The following KCMF1 variants were observed in gnomAD, a reference collection of about 807,000 sequenced individuals.
The protein encoded by KCMF1 is potassium channel modulatory factor 1, also known as E3 ubiquitin-protein ligase KCMF1.
A neutral mutation model predicts 41.1 loss-of-function variants in KCMF1; 3 were observed. That is an observed-to-expected ratio of 0.07 (90% CI 0.03 to 0.19). KCMF1 has a LOEUF of 0.19. Ranked by LOEUF, KCMF1 falls within the 10% of genes least tolerant of loss-of-function variation. KCMF1 has a pLI of 1.00. For missense variants in KCMF1, 286 were observed against 488.9 expected, an observed-to-expected ratio of 0.58 and a Z score of 3.91; for synonymous variants, 142 against 164.5, an observed-to-expected ratio of 0.86 and a Z score of 1.04.
At chr2:85,010,824 TTCAG>T in intron 1 of KCMF1, among the ~76,000 whole-genome samples, 1 of 152,056 alleles carries the variant, frequency 6.6e-6, no homozygotes, top group East Asian at 1.9e-4. Flanking sequence ...TCCTGTGTTA[TTCAG>T]TGAGTTATAA....
chr2:84,979,148 G>GT (rs1050586571), intron 1 of KCMF1, among the ~76,000 whole-genome samples: 14 of 152,040 alleles, frequency 9.2e-5, no homozygotes, highest in South Asian at 6.2e-4. Flanking sequence ...GCCTGGCCAT[G>GT]TTTTTTTTGT....
In KCMF1 at chr2:84,971,188, G is replaced by T. The variant is rs1269279568; in HGVS notation, c.-264G>T. On this transcript the variant is annotated 5_prime_UTR_variant, in exon 1 of 7. Coordinates refer to ENST00000409785, the MANE Select transcript of KCMF1 (RefSeq NM_020122.5). ...GCCCGAGAGTGACCGGAGTCACGGC[G>T]GGCGCCGGCGGAGCTGCGGCGTCGG... The T allele has an allele frequency of 6.8e-6, 1 of 147,010 alleles. No homozygotes were observed. The highest frequency in any genetic ancestry group is 2.5e-5 in the African/African-American group (1 of 40,522). The allele number at this position is 147,010 out of a possible 1,614,324, so 9.1% of individuals were successfully genotyped here.
chr2:85,033,052 A>C (rs1343243442), intron 2 of KCMF1, among the ~76,000 whole-genome samples: 3 of 152,198 alleles, frequency 2.0e-5, no homozygotes, highest in Non-Finnish European at 2.9e-5. Flanking sequence ...TTTTTGGTAG[A>C]TGCCCTTTAT....
chr2:85,008,513 C>T (rs1029886888), intron 1 of KCMF1, among the ~76,000 whole-genome samples: 2 of 148,128 alleles, frequency 1.4e-5, no homozygotes, highest in African/African-American at 5.0e-5. Context: ...CATTTCAGCA[C>T]TACACTTGGG....
chr2:85,024,794 C>G (rs1447179129), intron 1 of KCMF1, among the ~76,000 whole-genome samples: 1 of 152,064 alleles, frequency 6.6e-6, no homozygotes, highest in Non-Finnish European at 1.5e-5. Flanking sequence ...TCCCCACATG[C>G]AGATAATCAC....
chr2:84,979,892 G>A (rs1350491704), intron 1 of KCMF1, among the ~76,000 whole-genome samples: 1 of 151,660 alleles, frequency 6.6e-6, no homozygotes, highest in East Asian at 1.9e-4. Flanking sequence ...GCGCGATCTC[G>A]GCTCACCGCA....
chr2:85,002,087 A>G (rs1674344214), intron 1 of KCMF1, among the ~76,000 whole-genome samples: 1 of 152,204 alleles, frequency 6.6e-6, no homozygotes, highest in African/African-American at 2.4e-5. Context: ...ATCCTCCTCA[A>G]AACAGGTAGA....
At position 85,058,636 on chromosome 2, in the gene KCMF1, G is replaced by A. The variant is rs1327824545; in HGVS notation, c.*5227G>A. The A allele has an allele frequency of 1.3e-5, 2 of 152,166 alleles. No individual in the cohort carries two copies. The highest frequency in any genetic ancestry group is 4.8e-5 in the African/African-American group (2 of 41,432). 9.4% of individuals were successfully genotyped at this position (152,166 alleles called of 1,614,324 possible). On this transcript the variant is annotated 3_prime_UTR_variant, in exon 7 of 7. Coordinates refer to ENST00000409785, the MANE Select transcript of KCMF1 (RefSeq NM_020122.5). Reference sequence around the variant, plus strand: ...GAGTTCCCAGTAGGTACGAAGCTTTGTCTAAACATTATTTACCAACTGCGA... The same window carrying A: ...GAGTTCCCAGTAGGTACGAAGCTTTATCTAAACATTATTTACCAACTGCGA...
chr2:84,980,540 A>T (rs1275349006), intron 1 of KCMF1, among the ~76,000 whole-genome samples: 1 of 152,180 alleles, frequency 6.6e-6, no homozygotes, highest in Non-Finnish European at 1.5e-5. Flanking sequence ...TAACCATGGT[A>T]ACTGCCTGTA....
intron 1 of KCMF1, among the ~76,000 whole-genome samples, chr2:84,997,643 G>C (rs1674208666): frequency 6.6e-6 from 1 of 152,042 alleles, no homozygotes; most frequent in South Asian, 2.1e-4. Flanking sequence ...AAATTGTTGA[G>C]TGGTGTCTGT....
chr2:84,977,555 G>A (rs1258251938), intron 1 of KCMF1, among the ~76,000 whole-genome samples: 1 of 151,626 alleles, frequency 6.6e-6, no homozygotes, highest in African/African-American at 2.4e-5. Flanking sequence ...ATAGCAGGTC[G>A]GACCACAGGT....
intron 1 of KCMF1, among the ~76,000 whole-genome samples, chr2:85,012,759 T>C (rs1036435617): frequency 1.3e-5 from 2 of 152,204 alleles, no homozygotes; most frequent in African/African-American, 4.8e-5. Context: ...ATACAGAGCT[T>C]TATGTTTGTT....
At chr2:85,011,468 A>G (rs751667639) in intron 1 of KCMF1, among the ~76,000 whole-genome samples, 2 of 152,192 alleles carry the variant, frequency 1.3e-5, no homozygotes, top group Non-Finnish European at 2.9e-5. Flanking sequence ...GCTAATGGCT[A>G]TTATTGGACA....
chr2:85,053,030 G>A (rs2104070768), intron 6 of KCMF1, 118 bp from the exon 7 acceptor site: 1 of 793,754 alleles, frequency 1.3e-6, no homozygotes, highest in South Asian at 1.9e-5. Context: ...TTCCAGCAAT[G>A]TCTCATTCTG....
intron 1 of KCMF1, among the ~76,000 whole-genome samples, chr2:85,004,469 G>T (rs1553378821): frequency 6.6e-6 from 1 of 151,746 alleles, no homozygotes; most frequent in Non-Finnish European, 1.5e-5. Context: ...CCGAGATCGC[G>T]CCACTGCACT....
chr2:84,976,861 T>C (rs1673557834), intron 1 of KCMF1, among the ~76,000 whole-genome samples: 2 of 152,176 alleles, frequency 1.3e-5, no homozygotes, highest in African/African-American at 4.8e-5. Flanking sequence ...CCAACTTTTT[T>C]TGTTTTTATT....
chr2:85,008,321 CATATATA>C (rs1440605576), intron 1 of KCMF1, among the ~76,000 whole-genome samples: 1 of 43,946 alleles, frequency 2.3e-5, no homozygotes, highest in Non-Finnish European at 4.4e-5. Context: ...ATATATATAT[CATATATA>C]ATATATAATA....
At chr2:84,986,439 C>G (rs1673902881) in intron 1 of KCMF1, among the ~76,000 whole-genome samples, 1 of 151,978 alleles carries the variant, frequency 6.6e-6, no homozygotes, top group Non-Finnish European at 1.5e-5. Flanking sequence ...GGAAGGGGAT[C>G]CGCCAAGTGA....
chr2:84,974,517 T>C (rs1673482556), intron 1 of KCMF1, among the ~76,000 whole-genome samples: 1 of 151,376 alleles, frequency 6.6e-6, no homozygotes, highest in South Asian at 2.1e-4. Context: ...AGCATGCTTC[T>C]TCTGTAAAGG....
Sources: gnomAD v4.1 joint callset for allele counts (sites outside exome capture counted in the v4.1 genomes callset) on GRCh38, gnomAD v4.1.1 for gene constraint, MANE v1.5 for transcripts, NCBI Gene and HGNC (gene_info 2026-07-23, HGNC 2026-07-21) for gene names.